CASS4: variants seen among roughly 807,000 people sequenced by gnomAD.
The protein encoded by CASS4 is cas scaffolding protein family member 4.
In CASS4, 22 loss-of-function variants were observed where a neutral mutation model predicts 54.2. That is an observed-to-expected ratio of 0.41 (90% CI 0.29 to 0.58). The LOEUF (loss-of-function observed/expected upper bound fraction) is 0.58, where lower values mean the gene tolerates loss of function less well. CASS4 is among the 20% of genes least tolerant of loss of function. The pLI is 0.36. For missense variants in CASS4, 854 were observed against 986.7 expected (o/e 0.87, Z 1.80); for synonymous variants, 409 against 391.5 (o/e 1.04, Z -0.53).
rs1264602050 is a variant in CASS4, at chr20:56,437,349, C to T, written c.222C>T (p.Val74=). 4.3e-6 allele frequency: 7 copies of T among 1,614,040 alleles called. No individual in the cohort carries two copies. The highest frequency in any genetic ancestry group is 1.7e-5 in the Admixed American group (1 of 60,022). ...PANRLQILTE[V]AADRPCPPFL... is the part of the protein sequence containing the mutation. Reference sequence around the variant, plus strand: ...ACCGCCTCCAAATCCTCACGGAGGTCGCTGCAGACAGGCCGTGCCCCCCAT... The same window carrying T: ...ACCGCCTCCAAATCCTCACGGAGGTTGCTGCAGACAGGCCGTGCCCCCCAT... Residue 74 remains valine, a synonymous_variant, in exon 2 of 6, where the codon GTC becomes GTT. Coordinates refer to ENST00000679887, the MANE Select transcript of CASS4 (RefSeq NM_020356.4). The surrounding 1 kb of genome is among the most constrained non-coding windows in gnomAD (Gnocchi z 4.7).
intron 1 of CASS4, among the ~76,000 whole-genome samples, chr20:56,423,594 G>T (rs1256959249): frequency 6.6e-6 from 1 of 152,042 alleles, no homozygotes; most frequent in African/African-American, 2.4e-5. Flanking sequence ...GCCCAGGCTG[G>T]AATGCAGTGG....
At chr20:56,439,174 A>G (rs1221868721) in intron 2 of CASS4, among the ~76,000 whole-genome samples, 1 of 151,920 alleles carries the variant, frequency 6.6e-6, no homozygotes, top group East Asian at 2.0e-4. Flanking sequence ...AATATCAATT[A>G]TTTTGTTTTT....
rs11467181 is a variant in CASS4, at chr20:56,443,469, C to CAAAAAAAAAAA, written c.460-2430_460-2420dup. On this transcript the variant is annotated intron_variant, in intron 2 of 5. Transcript: ENST00000679887. ...GGGTGACAGAGCGAGACTCCGTCTC[C>CAAAAAAAAAAA]AAAAAAAAAAAGAAGCTTGGATTTC... Among the ~76,000 whole-genome samples, 359 of 115,058 alleles carry CAAAAAAAAAAA rather than the reference C, an allele frequency of 3.1e-3. 8 individuals are homozygous for CAAAAAAAAAAA. Among genetic ancestry groups the CAAAAAAAAAAA allele is most frequent in the African/African-American group, 0.011 (297 of 27,554 alleles). 75.5% of individuals were successfully genotyped at this position (115,058 alleles called of 152,430 possible). A position where few individuals can be genotyped will look rare whatever the true frequency, so the allele number is the denominator to read the frequency against.
intron 3 of CASS4, among the ~76,000 whole-genome samples, chr20:56,448,141 CAAAA>C (rs11470665): frequency 4.6e-5 from 5 of 109,726 alleles, no homozygotes; most frequent in Non-Finnish European, 6.3e-5. Context: ...GACTCTGTCT[CAAAA>C]AAAAAAAAAA....
chr20:56,450,937 G>A (rs1980966518), intron 4 of CASS4, among the ~76,000 whole-genome samples: 1 of 151,870 alleles, frequency 6.6e-6, no homozygotes, highest in South Asian at 2.1e-4. Flanking sequence ...GGGAGGCTGA[G>A]GTGGGCAGAT....
In CASS4 at chr20:56,452,548, C is replaced by A. The variant is rs527807357; in HGVS notation, c.1372C>A (p.Leu458Met). 1 of 1,614,144 alleles carries A rather than the reference C, an allele frequency of 6.2e-7. No individual in the cohort carries two copies. Among genetic ancestry groups the A allele is most frequent in the African/African-American group, 1.3e-5 (1 of 75,046 alleles). ...CAAGGTGGTCAGCTCTGTCGCTGGC[C>A]TGATGCTCTTTGTCAGCAGGAAGTG... ...QHKVVSSVAG[L>M]MLFVSRKWRF... Residue 458 changes from leucine (L) to methionine (M), a missense_variant, in exon 5 of 6, where the codon CTG becomes ATG. By Grantham distance (15) the Leu-to-Met change is conservative. Transcript: ENST00000679887.
intron 1 of CASS4, among the ~76,000 whole-genome samples, chr20:56,425,451 A>G (rs937556725): frequency 2.0e-5 from 3 of 152,242 alleles, no homozygotes; most frequent in Non-Finnish European, 4.4e-5. Context: ...AGCATCCTCC[A>G]TGCTGTACAC....
At chr20:56,427,173 T>TAAAA in intron 1 of CASS4, among the ~76,000 whole-genome samples, 1 of 127,960 alleles carries the variant, frequency 7.8e-6, no homozygotes, top group African/African-American at 2.8e-5. Context: ...CCCTGTCTCT[T>TAAAA]AAAAAAAAAA....
intron 1 of CASS4, among the ~76,000 whole-genome samples, chr20:56,433,346 T>G (rs1487940187): frequency 6.6e-6 from 1 of 152,170 alleles, no homozygotes; most frequent in East Asian, 1.9e-4. Context: ...AACAGCATGA[T>G]GGAGGGACTC....
rs1319147253 is a variant in CASS4 at position 56,460,267 on chromosome 20, C to A, written c.*1520C>A. 1 of 152,174 alleles carries A rather than the reference C, an allele frequency of 6.6e-6. No individual in the cohort carries two copies. Among genetic ancestry groups the A allele is most frequent in the African/African-American group, 2.4e-5 (1 of 41,332 alleles). 9.4% of individuals were successfully genotyped at this position (152,174 alleles called of 1,614,324 possible). A position where few individuals can be genotyped will look rare whatever the true frequency, so the allele number is the denominator to read the frequency against. On this transcript the variant is annotated 3_prime_UTR_variant, in exon 6 of 6. Coordinates refer to ENST00000679887, the MANE Select transcript of CASS4 (RefSeq NM_020356.4). Reference sequence around the variant, plus strand: ...TTTATATTTTGTCTCAAATCTGTTACAATTTATATTGGTTGGTGCAAAAGT... The same window carrying A: ...TTTATATTTTGTCTCAAATCTGTTAAAATTTATATTGGTTGGTGCAAAAGT...
At chr20:56,449,195 A>G (rs1020635508) in intron 3 of CASS4, among the ~76,000 whole-genome samples, 2 of 152,182 alleles carry the variant, frequency 1.3e-5, no homozygotes, top group Non-Finnish European at 2.9e-5. Context: ...AATAGCAAAG[A>G]CTTGGAACCA....
At chr20:56,457,265 G>A (rs948177837) in intron 5 of CASS4, among the ~76,000 whole-genome samples, 45 of 152,158 alleles carry the variant, frequency 3.0e-4, no homozygotes, top group East Asian at 1.2e-3. Flanking sequence ...AAATGCGAGC[G>A]TGTGAAATTT....
At chr20:56,445,585 C>T (rs929830570) in intron 2 of CASS4, among the ~76,000 whole-genome samples, 2 of 152,246 alleles carry the variant, frequency 1.3e-5, no homozygotes, top group African/African-American at 4.8e-5. Context: ...TTCCCGGCCC[C>T]CCTCGACACC....
chr20:56,441,268 A>C (rs1410770443), intron 2 of CASS4, among the ~76,000 whole-genome samples: 4 of 150,150 alleles, frequency 2.7e-5, no homozygotes, highest in Admixed American at 2.7e-4. Context: ...TGCTGGGATT[A>C]CAGGCGTGAG....
intron 1 of CASS4, among the ~76,000 whole-genome samples, chr20:56,428,095 C>A (rs1979729993): frequency 6.6e-6 from 1 of 152,198 alleles, no homozygotes. Flanking sequence ...GTATGATTTA[C>A]CTTCCCAAAG....
rs1979325708 is a variant in CASS4 at position 56,419,710 on chromosome 20, C to T, written c.36+7216C>T. Among the ~76,000 whole-genome samples, 4 of 151,384 alleles carry T rather than the reference C, an allele frequency of 2.6e-5. No homozygotes were observed. The South Asian group carries it at 6.4e-4, about 24-fold the overall frequency. On this transcript the variant is annotated intron_variant, in intron 1 of 5. Transcript: ENST00000679887. Reference sequence around the variant, plus strand: ...CTTCCCAAAGTGCTGGGATTACAGGCGTGAGCCACCGTGCCCGGCTAGGCT... The same window carrying T: ...CTTCCCAAAGTGCTGGGATTACAGGTGTGAGCCACCGTGCCCGGCTAGGCT...
At chr20:56,423,840 T>C (rs1433754072) in intron 1 of CASS4, among the ~76,000 whole-genome samples, 1 of 152,184 alleles carries the variant, frequency 6.6e-6, no homozygotes. Flanking sequence ...CCACTGCGCC[T>C]GGCCTTAAAT....
intron 5 of CASS4, 122 bp downstream of exon 5, chr20:56,453,251 T>G (rs1981132338): frequency 2.9e-6 from 2 of 694,340 alleles, no homozygotes; most frequent in East Asian, 5.5e-5. Flanking sequence ...GGTTCCATTT[T>G]CTAGAAAATA....
chr20:56,450,031 C>CTT (rs112371637), intron 3 of CASS4, among the ~76,000 whole-genome samples: 43 of 145,696 alleles, frequency 3.0e-4, no homozygotes, highest in African/African-American at 7.5e-4. Context: ...GTTGAGAGGT[C>CTT]TTTTTTTTTT....
Sources: gnomAD v4.1 joint callset for allele counts (sites outside exome capture counted in the v4.1 genomes callset) on GRCh38, gnomAD v4.1.1 for gene constraint, Gnocchi (gnomAD v3.1) non-coding constraint, MANE v1.5 for transcripts, NCBI Gene and HGNC (gene_info 2026-07-23, HGNC 2026-07-21) for gene names.